The following TEFM variants were observed in gnomAD, a reference collection of about 807,000 sequenced individuals.
The protein encoded by TEFM is transcription elongation factor of mitochondria.
In TEFM, 14 loss-of-function variants were observed where a neutral mutation model predicts 23.0. The ratio of observed to expected loss-of-function variants is 0.61; its 90% CI spans 0.40 to 0.95. The LOEUF is 0.95. Among genes scored for constraint, TEFM ranks in the 40% least tolerant of loss-of-function variants. TEFM has a pLI of 0.00. For synonymous variants in TEFM, 155 were observed against 158.3 expected, an observed-to-expected ratio of 0.98 and a Z score of 0.16; for missense variants, 386 against 425.5, an observed-to-expected ratio of 0.91 and a Z score of 0.82.
At chr17:30,900,948 A>C (rs1910035274) in intron 2 of TEFM, among the ~76,000 whole-genome samples, 1 of 152,160 alleles carries the variant, frequency 6.6e-6, no homozygotes, top group Non-Finnish European at 1.5e-5. Flanking sequence ...CTACAAATTC[A>C]GAATGCCTAA....
At chr17:30,901,421 C>T (rs913440511) in intron 2 of TEFM, among the ~76,000 whole-genome samples, 9 of 152,136 alleles carry the variant, frequency 5.9e-5, no homozygotes, top group African/African-American at 2.2e-4. Context: ...CAAGTGTAGC[C>T]AAGGTCTGCA....
chr17:30,905,388 C>T (rs192710658), intron 1 of TEFM, among the ~76,000 whole-genome samples: 7 of 152,130 alleles, frequency 4.6e-5, no homozygotes, highest in African/African-American at 1.7e-4. Flanking sequence ...GGCGTGGTGG[C>T]ACATGCCTGT....
chr17:30,899,938 G>C (rs1049838057), intron 3 of TEFM: 3 of 244,032 alleles, frequency 1.2e-5, no homozygotes, highest in African/African-American at 6.7e-5. Context: ...TTCTGGGATA[G>C]AGCATACGGT....
At chr17:30,902,217 G>A (rs1421856432) in intron 2 of TEFM, among the ~76,000 whole-genome samples, 1 of 152,264 alleles carries the variant, frequency 6.6e-6, no homozygotes, top group East Asian at 1.9e-4. Context: ...AGATACAGAG[G>A]CAAATAAACA....
Position 30,904,544 on chromosome 17 carries a change from T to C in TEFM, c.32-15A>G. 1 of 1,575,310 alleles carries C rather than the reference T, an allele frequency of 6.3e-7. No homozygotes were observed. The highest frequency in any genetic ancestry group is 8.6e-7 in the Non-Finnish European group (1 of 1,161,176). On this transcript the variant is annotated splice_polypyrimidine_tract_variant and intron_variant, in intron 1 of 3. Coordinates refer to ENST00000581216, the MANE Select transcript of TEFM (RefSeq NM_024683.4). ...TCTCCACCTCTCTAAAAGGAAAATT[T>C]AGCAAAATATAAGTTGGATGTCCTA...
intron 2 of TEFM, among the ~76,000 whole-genome samples, chr17:30,901,161 C>T (rs1377124519): frequency 6.6e-6 from 1 of 152,084 alleles, no homozygotes; most frequent in Non-Finnish European, 1.5e-5. Flanking sequence ...GCTGGGATTA[C>T]AGGTACCTGC....
At chr17:30,905,413 G>A (rs1343569876) in intron 1 of TEFM, among the ~76,000 whole-genome samples, 1 of 151,848 alleles carries the variant, frequency 6.6e-6, no homozygotes, top group Non-Finnish European at 1.5e-5. Context: ...CCAGCTACTC[G>A]GGAGGCTGAG....
rs1909979526 is a variant in TEFM, at chr17:30,899,088, T to C, written c.*81A>G. ...CTAAAATACACTGAAAATGTGTTCT[T>C]TTCCAATAACATGGATGTTCACAAC... On this transcript the variant is annotated 3_prime_UTR_variant, in exon 4 of 4. Coordinates refer to ENST00000581216, the MANE Select transcript of TEFM (RefSeq NM_024683.4). The C allele has an allele frequency of 4.6e-6, 6 of 1,298,510 alleles. No individual in the cohort carries two copies. Among genetic ancestry groups the C allele is most frequent in the Non-Finnish European group, 6.3e-6 (6 of 956,706 alleles). 80.4% of individuals were successfully genotyped at this position (1,298,510 alleles called of 1,614,324 possible). A position where few individuals can be genotyped will look rare whatever the true frequency, so the allele number is the denominator to read the frequency against.
Position 30,900,503 on chromosome 17 carries a change from A to G in TEFM, c.555T>C (p.Leu185=), listed in dbSNP as rs747699233. ...FGTRRIAWAH[L]DRKLTVLDWQ... ...AGTCCAGCACTGTCAACTTACGATCAAGGTGAGCCCAGGCAATTCTTCGAG... is the reference window on the plus strand; with the variant it reads ...AGTCCAGCACTGTCAACTTACGATCGAGGTGAGCCCAGGCAATTCTTCGAG... Residue 185 remains leucine (L), a synonymous_variant, in exon 3 of 4, where the codon CTT becomes CTC. Coordinates refer to ENST00000581216, the MANE Select transcript of TEFM (RefSeq NM_024683.4). 53 of 1,614,100 alleles carry G rather than the reference A, an allele frequency of 3.3e-5. No individual in the cohort carries two copies. The highest frequency in any genetic ancestry group is 2.5e-4 in the Admixed American group (15 of 60,010).
chr17:30,900,366 C>T (rs1910009717), intron 3 of TEFM, 47 bp downstream of exon 3: 1 of 1,589,894 alleles, frequency 6.3e-7, no homozygotes, highest in Non-Finnish European at 8.6e-7. Context: ...GATTAAACTA[C>T]ACAAGGAGCT....
Position 30,900,494 on chromosome 17 carries a change from C to T in TEFM, c.564G>A (p.Lys188=), listed in dbSNP as rs372808096. ...RRIAWAHLDR[K]LTVLDWQQSD... ...TTTGCTGCCAGTCCAGCACTGTCAA[C>T]TTACGATCAAGGTGAGCCCAGGCAA... The change falls in exon 3 of 4, where the codon AAG becomes AAA. Residue 188 remains lysine, a synonymous_variant. Transcript: ENST00000581216. 2.5e-6 allele frequency: 4 copies of T among 1,614,196 alleles called. No individual in the cohort carries two copies. The highest frequency in any genetic ancestry group is 1.7e-5 in the Admixed American group (1 of 60,026).
chr17:30,906,214 G>C lies in TEFM; in HGVS notation c.-16C>G. 6.2e-7 allele frequency: 1 copy of C among 1,614,288 alleles called. No individual in the cohort carries two copies. On this transcript the variant is annotated 5_prime_UTR_variant, in exon 1 of 4. The change creates a premature stop within an existing upstream ORF in the 5' untranslated region. Coordinates refer to ENST00000581216, the MANE Select transcript of TEFM (RefSeq NM_024683.4). Reference sequence around the variant, plus strand: ...ACCCGCTCATCTCCAAGTTGAATCAGTAGGTCCAGTCTTCCTCCATTGACT... The same window carrying C: ...ACCCGCTCATCTCCAAGTTGAATCACTAGGTCCAGTCTTCCTCCATTGACT...
At chr17:30,901,083 C>T (rs903583400) in intron 2 of TEFM, among the ~76,000 whole-genome samples, 19 of 152,184 alleles carry the variant, frequency 1.2e-4, no homozygotes, top group African/African-American at 4.1e-4. Context: ...AGTGCAGTGG[C>T]GCAATCAGCT....
At position 30,904,204 on chromosome 17, in the gene TEFM, G is replaced by A; in HGVS notation, c.357C>T (p.Pro119=). Residue 119 remains proline, a synonymous_variant, in exon 2 of 4, where the codon CCC becomes CCT. Transcript: ENST00000581216. The part of the protein sequence containing the change: ...FQNLESLMNV[P]LFKYKSTVQV... ...GAACTGTACTTTTATACTTAAACAA[G>A]GGCACATTCATTAAACTCTCTAAAT... is the stretch of plus-strand genomic sequence containing the variant. 6.2e-7 allele frequency: 1 copy of A among 1,614,022 alleles called. No individual in the cohort carries two copies. Among genetic ancestry groups the A allele is most frequent in the East Asian group, 2.2e-5 (1 of 44,888 alleles).
chr17:30,905,166 G>A (rs1279755295), intron 1 of TEFM, among the ~76,000 whole-genome samples: 2 of 152,060 alleles, frequency 1.3e-5, no homozygotes, highest in Non-Finnish European at 2.9e-5. Flanking sequence ...TATTCCAACT[G>A]CTTAAAGTTT....
intron 3 of TEFM, 71 bp downstream of exon 3, chr17:30,900,342 T>A: frequency 6.8e-7 from 1 of 1,460,232 alleles, no homozygotes; most frequent in Non-Finnish European, 9.5e-7. Context: ...ATTACATTCC[T>A]TTTGGGACCA....
At position 30,904,237 on chromosome 17, in the gene TEFM, T is replaced by C; in HGVS notation, c.324A>G (p.Pro108=). 6.2e-7 allele frequency: 1 copy of C among 1,614,172 alleles called. No individual in the cohort carries two copies. Among genetic ancestry groups the C allele is most frequent in the Non-Finnish European group, 8.5e-7 (1 of 1,180,032 alleles). The part of the protein sequence containing the change: ...NIVEHRENFG[P]FQNLESLMNV... Reference sequence around the variant, plus strand: ...TCATTAAACTCTCTAAATTCTGAAATGGCCCAAAGTTTTCTCTGTGCTCTA... The same window carrying C: ...TCATTAAACTCTCTAAATTCTGAAACGGCCCAAAGTTTTCTCTGTGCTCTA... Residue 108 remains proline (P), a synonymous_variant, in exon 2 of 4, where the codon CCA becomes CCG. Coordinates refer to ENST00000581216, the MANE Select transcript of TEFM (RefSeq NM_024683.4).
At position 30,900,487 on chromosome 17, in the gene TEFM, C is replaced by G. The variant is rs1170653393; in HGVS notation, c.571G>C (p.Val191Leu). ...CGGTCACTTTGCTGCCAGTCCAGCACTGTCAACTTACGATCAAGGTGAGCC... is the reference window on the plus strand; with the variant it reads ...CGGTCACTTTGCTGCCAGTCCAGCAGTGTCAACTTACGATCAAGGTGAGCC... ...AWAHLDRKLT[V>L]LDWQQSDRWS... Residue 191 changes from valine (V) to leucine (L), a missense_variant, in exon 3 of 4, where the codon GTG becomes CTG. Transcript: ENST00000581216. The G allele has an allele frequency of 6.2e-7, 1 of 1,614,178 alleles. No homozygotes were observed. The highest frequency in any genetic ancestry group is 1.1e-5 in the South Asian group (1 of 91,088).
rs1483187047 is a variant in TEFM, at chr17:30,899,268, C to T, written c.984G>A (p.Met328Ile). 1.9e-6 allele frequency: 3 copies of T among 1,614,036 alleles called. No homozygotes were observed. The highest frequency in any genetic ancestry group is 1.7e-6 in the Non-Finnish European group (2 of 1,180,024). Residue 328 changes from methionine to isoleucine, a missense_variant, in exon 4 of 4, where the codon ATG becomes ATA. Met to Ile is a conservative substitution (Grantham distance 10). Transcript: ENST00000581216. ...PSDKIVHYRQMFLSTELQRVE... is the reference protein window; with the variant it reads ...PSDKIVHYRQIFLSTELQRVE... ...CTCTTTGTAGTTCAGTAGATAAAAA[C>T]ATCTGTCTGTAGTGAACTATTTTAT...
Sources: allele counts gnomAD v4.1 joint callset (sites outside exome capture counted in the v4.1 genomes callset), GRCh38; gene constraint gnomAD v4.1.1; transcripts MANE v1.5; gene names NCBI Gene and HGNC (gene_info 2026-07-23, HGNC 2026-07-21).